The following IL1RAPL2 variants were observed in gnomAD, a reference collection of about 807,000 sequenced individuals.
IL1RAPL2 encodes the protein X-linked interleukin-1 receptor accessory protein-like 2.
Under a neutral mutation model 44.1 loss-of-function variants are expected in IL1RAPL2, and 3 were observed. That is an observed-to-expected ratio of 0.07 (90% CI 0.03 to 0.18). The LOEUF (loss-of-function observed/expected upper bound fraction) is 0.18, where lower values mean the gene tolerates loss of function less well. Ranked by LOEUF, IL1RAPL2 falls within the 10% of genes least tolerant of loss-of-function variation. IL1RAPL2 has a pLI of 1.00. For missense variants in IL1RAPL2, 391 were observed against 496.4 expected (o/e 0.79, Z 2.02); for synonymous variants, 181 against 178.8 (o/e 1.01, Z -0.10).
chrX:105,542,113 G>A (rs367549335), intron 6 of IL1RAPL2, among the ~76,000 whole-genome samples: 1 of 111,741 alleles, frequency 8.9e-6, no homozygotes, highest in Non-Finnish European at 1.9e-5. Context: ...ATGCTGCACA[G>A]TTCCACCATC....
chrX:105,058,910 T>G (rs1339824933), intron 2 of IL1RAPL2, among the ~76,000 whole-genome samples: 1 of 111,739 alleles, frequency 8.9e-6, no homozygotes, highest in Non-Finnish European at 1.9e-5. Flanking sequence ...CTAATTACAG[T>G]TAACCCTTGA....
chrX:104,898,553 G>A lies in IL1RAPL2; in HGVS notation c.82+239558G>A, dbSNP rs574385848. On this transcript the variant is annotated intron_variant, in intron 2 of 10. Transcript: ENST00000372582. ...CATTTCTGCATTGCATGGCTGTCCTGCCTAACATCAGCCTTCACTGATATC... is the reference window on the plus strand; with the variant it reads ...CATTTCTGCATTGCATGGCTGTCCTACCTAACATCAGCCTTCACTGATATC... Among the ~76,000 whole-genome samples, 40 of 112,750 alleles carry A rather than the reference G, an allele frequency of 3.5e-4. No individual in the cohort carries two copies. The South Asian group carries it at 5.8e-3, about 16-fold the overall frequency.
chrX:105,115,810 G>A (rs886643155), intron 2 of IL1RAPL2, among the ~76,000 whole-genome samples: 2 of 112,917 alleles, frequency 1.8e-5, no homozygotes, highest in African/African-American at 3.2e-5. Flanking sequence ...AGCGGCGCTC[G>A]TCCGGGAGGC....
chrX:105,667,192 A>G (rs1255441454), intron 6 of IL1RAPL2, among the ~76,000 whole-genome samples: 3 of 111,789 alleles, frequency 2.7e-5, no homozygotes, highest in African/African-American at 9.8e-5. Flanking sequence ...TTATACACAG[A>G]ACAAAATTAA....
chrX:105,673,777 T>C (rs752301118), intron 6 of IL1RAPL2, among the ~76,000 whole-genome samples: 1 of 112,216 alleles, frequency 8.9e-6, no homozygotes, highest in South Asian at 3.7e-4. Flanking sequence ...TAATTTACAT[T>C]CCCACCAACA....
At chrX:104,981,055 T>TTGTGTGTGTGTGTGTGTG (rs199571900) in intron 2 of IL1RAPL2, among the ~76,000 whole-genome samples, 1 of 97,388 alleles carries the variant, frequency 1.0e-5, no homozygotes, top group African/African-American at 3.9e-5. Flanking sequence ...TTCCAAGGTA[T>TTGTGTGTGTGTGTGTGTG]TGTGTGTGTG....
chrX:105,267,251 ATTGAC>A (rs2034409937), intron 4 of IL1RAPL2, 132 bp from the exon 5 acceptor site: 2 of 524,418 alleles, frequency 3.8e-6, no homozygotes, highest in Non-Finnish European at 6.3e-6. Context: ...TTTCTTGGTC[ATTGAC>A]TTAACTCCTT....
At chrX:105,730,263 G>C (rs2038394991) in intron 7 of IL1RAPL2, among the ~76,000 whole-genome samples, 2 of 110,706 alleles carry the variant, frequency 1.8e-5, no homozygotes, top group South Asian at 7.4e-4. Flanking sequence ...AGTAAAAAGA[G>C]ACAAAGAAGG....
At chrX:104,658,511 T>C in intron 1 of IL1RAPL2, among the ~76,000 whole-genome samples, 1 of 112,439 alleles carries the variant, frequency 8.9e-6, no homozygotes. Flanking sequence ...AAAAAACTTC[T>C]ATAAATGACA....
intron 2 of IL1RAPL2, among the ~76,000 whole-genome samples, chrX:104,673,983 T>C (rs1190934498): frequency 9.0e-6 from 1 of 111,560 alleles, no homozygotes; most frequent in Non-Finnish European, 1.9e-5. Flanking sequence ...GCTTATCAGC[T>C]TAAGGAGATT....
rs770987014 is a variant in IL1RAPL2 at position 105,767,205 on chromosome X, G to A, written c.1605G>A (p.Lys535=). Residue 535 remains lysine (K), a synonymous_variant, in exon 11 of 11, where the codon AAG becomes AAA. Coordinates refer to ENST00000372582, the MANE Select transcript of IL1RAPL2 (RefSeq NM_017416.2). Reference sequence around the variant, plus strand: ...GCATCAAACTTCTGTCCCTGATCAAGTGGAAGGGATCCAAAAGCAGCAAAT... The same window carrying A: ...GCATCAAACTTCTGTCCCTGATCAAATGGAAGGGATCCAAAAGCAGCAAAT... ...KRSIKLLSLI[K]WKGSKSSKLN... 3 of 1,209,583 alleles carry A rather than the reference G, an allele frequency of 2.5e-6. No individual in the cohort carries two copies. In the African/African-American group the frequency reaches 5.2e-5, roughly 21 times the overall value.
chrX:105,525,510 G>A (rs995910233), intron 6 of IL1RAPL2, among the ~76,000 whole-genome samples: 2 of 110,970 alleles, frequency 1.8e-5, no homozygotes, highest in Non-Finnish European at 3.8e-5. Context: ...CCAGATTTAC[G>A]TTAAGGTAAT....
chrX:105,200,648 G>A (rs1052756683), intron 3 of IL1RAPL2, among the ~76,000 whole-genome samples: 20 of 111,800 alleles, frequency 1.8e-4, no homozygotes, highest in Admixed American at 1.2e-3. Flanking sequence ...GCGGTGGCTC[G>A]TGCCTATAAT....
At chrX:105,403,804 T>C in intron 5 of IL1RAPL2, among the ~76,000 whole-genome samples, 1 of 111,272 alleles carries the variant, frequency 9.0e-6, no homozygotes. Flanking sequence ...CCCCACATTT[T>C]CCCCTAACCA....
chrX:105,424,201 G>A (rs762217593), intron 5 of IL1RAPL2, among the ~76,000 whole-genome samples: 69 of 112,436 alleles, frequency 6.1e-4, no homozygotes, highest in Non-Finnish European at 1.2e-3. Flanking sequence ...TGTGCCTAAG[G>A]TGGTCAGAAC....
At chrX:104,590,413 T>C (rs1390537640) in intron 1 of IL1RAPL2, among the ~76,000 whole-genome samples, 1 of 111,855 alleles carries the variant, frequency 8.9e-6, no homozygotes, top group Non-Finnish European at 1.9e-5. Flanking sequence ...TGATTTTTGA[T>C]GACATTCTTT....
intron 4 of IL1RAPL2, among the ~76,000 whole-genome samples, chrX:105,250,124 G>A (rs1445290801): frequency 1.8e-5 from 2 of 111,351 alleles, no homozygotes; most frequent in African/African-American, 3.3e-5. Flanking sequence ...CGTACTGTAT[G>A]CTTAGAACTA....
At chrX:105,329,253 T>C (rs760429803) in intron 5 of IL1RAPL2, among the ~76,000 whole-genome samples, 1 of 111,791 alleles carries the variant, frequency 8.9e-6, no homozygotes, top group South Asian at 3.8e-4. Context: ...TGATGCATAG[T>C]GTTAAATACA....
chrX:104,813,534 A>G (rs1457233368), intron 2 of IL1RAPL2, among the ~76,000 whole-genome samples: 1 of 111,689 alleles, frequency 9.0e-6, no homozygotes, highest in Non-Finnish European at 1.9e-5. Context: ...TTGATCATTC[A>G]TTCCAACAAG....
Sources: gnomAD v4.1 joint callset for allele counts (sites outside exome capture counted in the v4.1 genomes callset) on GRCh38, gnomAD v4.1.1 for gene constraint, MANE v1.5 for transcripts, NCBI Gene and HGNC (gene_info 2026-07-23, HGNC 2026-07-21) for gene names.